The following ARRDC2 variants were observed in gnomAD, a reference collection of about 807,000 sequenced individuals.
ARRDC2 encodes the protein arrestin domain containing 2.
In ARRDC2, 39 loss-of-function variants were observed where a neutral mutation model predicts 38.9. The observed-to-expected ratio is 1.00, with a 90% CI of 0.78 to 1.31. The LOEUF is 1.31. ARRDC2 is among the 50% of genes most tolerant of loss of function. ARRDC2 has a pLI of 0.00. For missense variants in ARRDC2, 553 were observed against 588.4 expected, an observed-to-expected ratio of 0.94 and a Z score of 0.62; for synonymous variants, 300 against 261.9, an observed-to-expected ratio of 1.15 and a Z score of -1.41.
At chr19:18,005,871 G>A (rs1156810243), upstream of ARRDC2, among the ~76,000 whole-genome samples, 1 of 149,976 alleles carries the variant, frequency 6.7e-6, no homozygotes, top group Non-Finnish European at 1.5e-5. Context: ...CTTCTCAGAC[G>A]GGGCGGCTGC....
chr19:18,010,049 C>T lies in ARRDC2; in HGVS notation c.849+10C>T, dbSNP rs765225790. ...GGACTACGCACTCAAGGTAGGGCAT[C>T]CTGCTGGCCCTGGGGGACAGTGCCT... On this transcript the variant is annotated intron_variant, in intron 5 of 7. Coordinates refer to ENST00000222250, the MANE Select transcript of ARRDC2 (RefSeq NM_015683.2). 4.4e-6 allele frequency: 7 copies of T among 1,602,980 alleles called. No homozygotes were observed. The highest frequency in any genetic ancestry group is 1.7e-4 in the Middle Eastern group (1 of 5,972).
In ARRDC2 at chr19:18,008,439, T is replaced by G; in HGVS notation, c.129T>G (p.Arg43=). Residue 43 remains arginine (R), a synonymous_variant, in exon 1 of 8, where the codon CGT becomes CGG. Transcript: ENST00000222250. ...TGCTGGAGCTGTCAAGCGCCGCGCG[T>G]GTGGGTGCCCTGAGGCTGCGCGCGC... ...RVLLELSSAA[R]VGALRLRARG... 6.3e-7 allele frequency: 1 copy of G among 1,582,596 alleles called. No homozygotes were observed. Among genetic ancestry groups the G allele is most frequent in the Non-Finnish European group, 8.5e-7 (1 of 1,172,084 alleles).
upstream of ARRDC2, chr19:18,008,117 C>CGCCGGG: frequency 2.3e-6 from 1 of 440,230 alleles, no homozygotes; most frequent in Non-Finnish European, 3.6e-6. Flanking sequence ...GAGACGGTGA[C>CGCCGGG]CCCACCCCCC....
chr19:18,004,925 C>T (rs1339092765), upstream of ARRDC2, among the ~76,000 whole-genome samples: 1 of 151,048 alleles, frequency 6.6e-6, no homozygotes, highest in Non-Finnish European at 1.5e-5. Flanking sequence ...GCAGAGGTTG[C>T]AGTGAACCTA....
upstream of ARRDC2, chr19:18,008,038 T>G: frequency 1.1e-6 from 1 of 933,310 alleles, no homozygotes; most frequent in Non-Finnish European, 1.5e-6. Context: ...TTTGTTATTT[T>G]GCTCCACGCC....
At chr19:18,008,116 A>ACCGCCCCC, upstream of ARRDC2, 1 of 522,500 alleles carries the variant, frequency 1.9e-6, no homozygotes, top group Non-Finnish European at 2.9e-6. Flanking sequence ...AGAGACGGTG[A>ACCGCCCCC]CCCCACCCCC....
chr19:18,005,948 G>A (rs1264407456), upstream of ARRDC2, among the ~76,000 whole-genome samples: 3 of 151,640 alleles, frequency 2.0e-5, no homozygotes, highest in Non-Finnish European at 4.4e-5. Flanking sequence ...CCTCCCAGAC[G>A]GGGTCGCGGC....
At chr19:18,003,037 T>C (rs2033208335) in intron 1 of ARRDC2, among the ~76,000 whole-genome samples, 1 of 151,522 alleles carries the variant, frequency 6.6e-6, no homozygotes, top group South Asian at 2.1e-4. Flanking sequence ...CAGGCGGAGA[T>C]TGCAGTGAGC....
Position 18,010,365 on chromosome 19 carries a change from T to C in ARRDC2, c.1012+7T>C. The C allele has an allele frequency of 6.2e-7, 1 of 1,605,190 alleles. No individual in the cohort carries two copies. The highest frequency in any genetic ancestry group is 8.5e-7 in the Non-Finnish European group (1 of 1,178,246). On this transcript the variant is annotated splice_region_variant and intron_variant, in intron 6 of 7. Transcript: ENST00000222250. ...TTGCCGGAGCGGCCTGAGGGTAAGCTCCCACCCTGCTTGCATGCAGAGGGT... is the reference window on the plus strand; with the variant it reads ...TTGCCGGAGCGGCCTGAGGGTAAGCCCCCACCCTGCTTGCATGCAGAGGGT...
chr19:18,008,138 C>CCCCCCA, upstream of ARRDC2: 2 of 1,339,278 alleles, frequency 1.5e-6, no homozygotes, highest in East Asian at 3.2e-5. Context: ...CCCGCCCTGC[C>CCCCCCA]GTATAAAAGC....
intron 2 of ARRDC2, 82 bp downstream of exon 2, chr19:18,008,859 C>T (rs112781966): frequency 1.3e-6 from 2 of 1,593,178 alleles, no homozygotes; most frequent in Non-Finnish European, 1.7e-6. Context: ...ATCTGGGCAC[C>T]TCTGAGCCCC....
chr19:18,009,169 C>T (rs1197473493), intron 3 of ARRDC2, 51 bp downstream of exon 3: 1 of 1,593,194 alleles, frequency 6.3e-7, no homozygotes, highest in Admixed American at 1.7e-5. Context: ...AGGAAGGGGC[C>T]TGCCTGGCTG....
At chr19:18,008,116 A>AGGGGGGG, upstream of ARRDC2, 1 of 522,498 alleles carries the variant, frequency 1.9e-6, no homozygotes, top group Non-Finnish European at 2.9e-6. Context: ...AGAGACGGTG[A>AGGGGGGG]CCCCACCCCC....
chr19:18,010,502 T>C, intron 6 of ARRDC2, 70 bp from the exon 7 acceptor site: 1 of 1,578,106 alleles, frequency 6.3e-7, no homozygotes. Flanking sequence ...ACAAGCCAGC[T>C]CCTGGCCCCT....
intron 7 of ARRDC2, among the ~76,000 whole-genome samples, chr19:18,011,940 A>G (rs1391372773): frequency 5.9e-5 from 3 of 50,788 alleles, no homozygotes; most frequent in Non-Finnish European, 1.2e-4. Context: ...ATGTGTATAT[A>G]TATATATATA....
chr19:18,009,281 T>A, intron 3 of ARRDC2, 163 bp downstream of exon 3: 1 of 851,204 alleles, frequency 1.2e-6, no homozygotes, highest in Non-Finnish European at 1.8e-6. Flanking sequence ...TCTGCACCCA[T>A]TTGCCGTGTG....
At chr19:18,001,788 C>T (rs2033192177) in intron 1 of ARRDC2, among the ~76,000 whole-genome samples, 1 of 152,184 alleles carries the variant, frequency 6.6e-6, no homozygotes. Flanking sequence ...CCAAAAACTA[C>T]AAAAATTAGC....
chr19:18,008,339 C>T lies in ARRDC2; in HGVS notation c.29C>T (p.Ser10Leu). 1 of 1,596,800 alleles carries T rather than the reference C, an allele frequency of 6.3e-7. No individual in the cohort carries two copies. The highest frequency in any genetic ancestry group is 8.5e-7 in the Non-Finnish European group (1 of 1,178,958). Residue 10 changes from serine (S) to leucine (L), a missense_variant, in exon 1 of 8, where the codon TCG (serine) becomes TTG (leucine). Physicochemically the swap from Ser to Leu is moderately radical, Grantham distance 145 (BLOSUM62 -2). Transcript: ENST00000222250. ...CTATTCGACAAGGTGAAAGCGTTCT[C>T]GGTGCAGTTGGACGGCGCGACCGCG... MLFDKVKAF[S>L]VQLDGATAGV...
At chr19:18,002,368 C>A (rs1248695801) in intron 1 of ARRDC2, among the ~76,000 whole-genome samples, 1 of 152,212 alleles carries the variant, frequency 6.6e-6, no homozygotes, top group African/African-American at 2.4e-5. Context: ...GAACCTCAGT[C>A]CTTCTCGCAC....
Sources: gnomAD v4.1 joint callset for allele counts (sites outside exome capture counted in the v4.1 genomes callset) on GRCh38, gnomAD v4.1.1 for gene constraint, MANE v1.5 for transcripts, NCBI Gene and HGNC (gene_info 2026-07-23, HGNC 2026-07-21) for gene names.